Variants in SDCCAG8 observed in about 807,000 individuals in gnomAD.
The protein encoded by SDCCAG8 is serologically defined colon cancer antigen 8.
In SDCCAG8, 74 loss-of-function variants were observed where a neutral mutation model predicts 101.8. The observed-to-expected ratio is 0.73, with a 90% CI of 0.60 to 0.88. SDCCAG8 has a LOEUF of 0.88. SDCCAG8 is among the 40% of genes least tolerant of loss of function. The pLI is 0.00. For missense variants in SDCCAG8, 787 were observed against 822.6 expected, an observed-to-expected ratio of 0.96 and a Z score of 0.53; for synonymous variants, 281 against 292.9, an observed-to-expected ratio of 0.96 and a Z score of 0.41.
intron 10 of SDCCAG8, among the ~76,000 whole-genome samples, chr1:243,336,685 A>C (rs562793766): frequency 6.6e-6 from 1 of 152,318 alleles, no homozygotes; most frequent in East Asian, 1.9e-4. Context: ...GCCCCCCTCC[A>C]ACATCGGGGA....
chr1:243,292,880 G>C (rs1306794438), intron 5 of SDCCAG8, among the ~76,000 whole-genome samples: 1 of 152,114 alleles, frequency 6.6e-6, no homozygotes, highest in Non-Finnish European at 1.5e-5. Flanking sequence ...CCCATATTTA[G>C]ATTACTGCCT....
intron 10 of SDCCAG8, among the ~76,000 whole-genome samples, chr1:243,331,196 A>G (rs968568952): frequency 3.3e-5 from 5 of 152,216 alleles, no homozygotes; most frequent in Non-Finnish European, 5.9e-5. Flanking sequence ...CGGTAACCAG[A>G]TGAAGGGAGA....
At chr1:243,304,888 CA>C in intron 7 of SDCCAG8, 111 bp downstream of exon 7, 1 of 709,582 alleles carries the variant, frequency 1.4e-6, no homozygotes, top group Non-Finnish European at 2.5e-6. Context: ...TACTTGATGA[CA>C]TTTTAATACA....
chr1:243,263,993 T>G (rs149896495), intron 1 of SDCCAG8, among the ~76,000 whole-genome samples: 2 of 152,238 alleles, frequency 1.3e-5, no homozygotes, highest in Non-Finnish European at 2.9e-5. Context: ...TTTTTCTGCA[T>G]GTCTGCCCTA....
intron 11 of SDCCAG8, among the ~76,000 whole-genome samples, chr1:243,342,609 G>T (rs1268389825): frequency 1.3e-5 from 2 of 152,156 alleles, no homozygotes; most frequent in South Asian, 2.1e-4. Context: ...GATGTTATCA[G>T]TTCGGGGTTT....
chr1:243,306,494 T>C (rs938071995), intron 7 of SDCCAG8: 2 of 152,178 alleles, frequency 1.3e-5, no homozygotes, highest in African/African-American at 4.8e-5. Flanking sequence ...TTTACTATAA[T>C]TTAAGATTAT....
chr1:243,262,785 A>AC (rs1360232679), intron 1 of SDCCAG8, among the ~76,000 whole-genome samples: 4 of 152,094 alleles, frequency 2.6e-5, no homozygotes, highest in Admixed American at 2.6e-4. Context: ...CTTGATGATA[A>AC]CTCTTCTCAG....
rs1011712414 is a variant in SDCCAG8, at chr1:243,336,322, G to A, written c.1222-4717G>A. On this transcript the variant is annotated intron_variant, in intron 10 of 17. Transcript: ENST00000366541. ...GTTTTGAATAACAGCCATTCTGACTGGTGTGAAATGGGATCTCATTGTGGT... is the reference window on the plus strand; with the variant it reads ...GTTTTGAATAACAGCCATTCTGACTAGTGTGAAATGGGATCTCATTGTGGT... 3.3e-5 allele frequency among the ~76,000 whole-genome samples: 5 copies of A among 152,132 alleles called. No homozygotes were observed. The East Asian group carries it at 9.6e-4, about 29-fold the overall frequency.
chr1:243,415,219 C>T (rs1411169972), intron 13 of SDCCAG8, among the ~76,000 whole-genome samples: 1 of 152,106 alleles, frequency 6.6e-6, no homozygotes, highest in Admixed American at 6.5e-5. Context: ...ACTGCAGAAT[C>T]ATTTACTCGC....
intron 16 of SDCCAG8, among the ~76,000 whole-genome samples, chr1:243,442,362 G>A (rs967258055): frequency 1.3e-5 from 2 of 152,108 alleles, no homozygotes; most frequent in Non-Finnish European, 2.9e-5. Context: ...TAAGAATGGA[G>A]GAGATTTGTT....
intron 16 of SDCCAG8, among the ~76,000 whole-genome samples, chr1:243,427,208 A>G (rs2081397447): frequency 1.3e-5 from 2 of 152,264 alleles, no homozygotes; most frequent in Admixed American, 6.5e-5. Flanking sequence ...TTCTAGATGA[A>G]GAAATTCGGC....
At chr1:243,276,745 T>C (rs61833914) in intron 4 of SDCCAG8, among the ~76,000 whole-genome samples, 68,242 of 152,086 alleles carry the variant, frequency 0.45, 18,058 homozygotes, top group East Asian at 0.75. Context: ...CAGTATCATA[T>C]AGAATAGTTT....
At position 243,372,954 on chromosome 1, in the gene SDCCAG8, C is replaced by CTATATCTATCTA. The variant is rs1558373524; in HGVS notation, c.1474-5762_1474-5761insCTATCTATATAT. Among the ~76,000 whole-genome samples, 953 of 131,608 alleles carry CTATATCTATCTA rather than the reference C, an allele frequency of 7.2e-3. 4 individuals are homozygous for CTATATCTATCTA. Among genetic ancestry groups the CTATATCTATCTA allele is most frequent in the East Asian group, 0.011 (53 of 4,614 alleles). 86.3% of individuals were successfully genotyped at this position (131,608 alleles called of 152,430 possible). On this transcript the variant is annotated intron_variant, in intron 12 of 17. Coordinates refer to ENST00000366541, the MANE Select transcript of SDCCAG8 (RefSeq NM_006642.5). Reference sequence around the variant, plus strand: ...TATCTATATCTATATCTATATCTATCTATATATATATCTTAATATATATAT... The same window carrying CTATATCTATCTA: ...TATCTATATCTATATCTATATCTATCTATATCTATCTATATATATATATCTTAATATATATAT...
At chr1:243,340,454 G>C (rs2075317812) in intron 10 of SDCCAG8, among the ~76,000 whole-genome samples, 1 of 152,116 alleles carries the variant, frequency 6.6e-6, no homozygotes, top group African/African-American at 2.4e-5. Flanking sequence ...CTTCCTAGAG[G>C]AGAGGAGATA....
chr1:243,471,829 G>C (rs544314671), intron 16 of SDCCAG8, among the ~76,000 whole-genome samples: 1 of 152,184 alleles, frequency 6.6e-6, no homozygotes, highest in African/African-American at 2.4e-5. Context: ...TGGACTATTA[G>C]GTCACAGGTG....
intron 10 of SDCCAG8, among the ~76,000 whole-genome samples, chr1:243,331,508 T>C (rs1039193843): frequency 2.6e-5 from 4 of 152,226 alleles, no homozygotes; most frequent in Admixed American, 6.5e-5. Flanking sequence ...CCTAAAGATA[T>C]GTAAAGAGAA....
At position 243,316,791 on chromosome 1, in the gene SDCCAG8, A is replaced by G. The variant is rs1481527144; in HGVS notation, c.966A>G (p.Val322=). 1.9e-6 allele frequency: 3 copies of G among 1,614,218 alleles called. No individual in the cohort carries two copies. Among genetic ancestry groups the G allele is most frequent in the Non-Finnish European group, 2.5e-6 (3 of 1,180,020 alleles). Reference sequence around the variant, plus strand: ...ACTTGATGTCTGCACTAGTTTCCGTAAGGAGCAGCTTGGCAGATACGCAGC... The same window carrying G: ...ACTTGATGTCTGCACTAGTTTCCGTGAGGAGCAGCTTGGCAGATACGCAGC... ...RDDLMSALVS[V]RSSLADTQQR... is the part of the protein sequence containing the mutation. Residue 322 remains valine, a synonymous_variant, in exon 9 of 18, where the codon GTA becomes GTG. Transcript: ENST00000366541.
chr1:243,415,647 G>A, intron 13 of SDCCAG8, 55 bp from the exon 14 acceptor site: 2 of 1,612,018 alleles, frequency 1.2e-6, no homozygotes, highest in Admixed American at 3.3e-5. Flanking sequence ...GGGACATGAT[G>A]GGGGTTTGTG....
intron 12 of SDCCAG8, among the ~76,000 whole-genome samples, chr1:243,353,716 A>C (rs561318958): frequency 1.1e-4 from 17 of 152,180 alleles, no homozygotes; most frequent in African/African-American, 3.9e-4. Context: ...TAGATTGCTC[A>C]TAGAAAATGG....
Sources: allele counts gnomAD v4.1 joint callset (sites outside exome capture counted in the v4.1 genomes callset), GRCh38; gene constraint gnomAD v4.1.1; transcripts MANE v1.5; gene names NCBI Gene and HGNC (gene_info 2026-07-23, HGNC 2026-07-21).